SLC24A2: variants seen among roughly 807,000 people sequenced by gnomAD.
SLC24A2 encodes the protein solute carrier family 24 member 2.
In SLC24A2, 36 loss-of-function variants were observed where a neutral mutation model predicts 62.0. The ratio of observed to expected loss-of-function variants is 0.58; its 90% confidence interval spans 0.44 to 0.77. SLC24A2 has a LOEUF of 0.77. SLC24A2 is among the 30% of genes least tolerant of loss of function. SLC24A2 has a pLI of 0.00. For synonymous variants in SLC24A2, 358 were observed against 294.0 expected, an observed-to-expected ratio of 1.22 and a Z score of -2.23; for missense variants, 846 against 817.9, an observed-to-expected ratio of 1.03 and a Z score of -0.42.
At chr9:19,801,540 A>C in the SLC24A2 span, among the ~76,000 whole-genome samples, 1 of 152,242 alleles carries the variant, frequency 6.6e-6, no homozygotes, top group Non-Finnish European at 1.5e-5. Flanking sequence ...ATACAAAGGG[A>C]GGGGAACCAA....
the SLC24A2 span, among the ~76,000 whole-genome samples, chr9:20,166,578 T>C: frequency 6.6e-6 from 1 of 151,982 alleles, no homozygotes; most frequent in Non-Finnish European, 1.5e-5. Flanking sequence ...TTTCCTCTTA[T>C]GTAAGAAAGA....
At chr9:20,307,000 G>A in the SLC24A2 span, among the ~76,000 whole-genome samples, 1 of 152,082 alleles carries the variant, frequency 6.6e-6, no homozygotes, top group African/African-American at 2.4e-5. Context: ...TTCTTAGACT[G>A]ACTCATCTTC....
rs1168358783 is a variant in SLC24A2, at chr9:19,782,549, G to A, written c.930+3388C>T. The stretch of plus-strand genomic sequence containing the variant: ...TAGAGCTTATGAATATTATAATACA[G>A]CAAATATTATATAACCCTAAGGGGT... On this transcript the variant is annotated intron_variant, in intron 2 of 10. Coordinates refer to ENST00000341998, the MANE Select transcript of SLC24A2 (RefSeq NM_020344.4). Among the ~76,000 whole-genome samples, 3 of 152,096 alleles carry A rather than the reference G, an allele frequency of 2.0e-5. No homozygotes were observed. The East Asian group carries it at 5.8e-4, about 29-fold the overall frequency.
At chr9:20,199,053 A>C in the SLC24A2 span, among the ~76,000 whole-genome samples, 1 of 152,212 alleles carries the variant, frequency 6.6e-6, no homozygotes, top group African/African-American at 2.4e-5. Context: ...GGGGACAAGG[A>C]TGTATGGACC....
At chr9:19,573,271 G>A (rs1401897523) in intron 7 of SLC24A2, 80 bp downstream of exon 7, 1 of 958,776 alleles carries the variant, frequency 1.0e-6, no homozygotes, top group East Asian at 2.4e-5. Flanking sequence ...GGCTTCCAAG[G>A]AGAATATAGG....
the SLC24A2 span, among the ~76,000 whole-genome samples, chr9:19,880,758 G>A: frequency 6.6e-6 from 1 of 152,186 alleles, no homozygotes; most frequent in Non-Finnish European, 1.5e-5. Flanking sequence ...AGGAGGAAGA[G>A]ATTGGGGGGA....
rs542362193 is a variant in SLC24A2 at position 19,724,445 on chromosome 9, C to T, written c.930+61492G>A. Among the ~76,000 whole-genome samples, 8 of 152,290 alleles carry T rather than the reference C, an allele frequency of 5.3e-5. No individual in the cohort carries two copies. In the South Asian group the frequency reaches 1.7e-3, roughly 32 times the overall value. On this transcript the variant is annotated intron_variant, in intron 2 of 10. Transcript: ENST00000341998. ...AATAAATATTTGAAAGACAACTTTG[C>T]ACAATTTTGATTTGTAAAAGATGAA...
intron 7 of SLC24A2, among the ~76,000 whole-genome samples, chr9:19,560,895 GTGTATATA>G (rs1354201574): frequency 2.3e-3 from 58 of 25,770 alleles, no homozygotes; most frequent in African/African-American, 7.5e-3. Context: ...GTGTGTGTGT[GTGTATATA>G]TATATATATA....
At chr9:19,565,914 A>T (rs568500836) in intron 7 of SLC24A2, among the ~76,000 whole-genome samples, 1 of 146,582 alleles carries the variant, frequency 6.8e-6, no homozygotes, top group Admixed American at 6.6e-5. Context: ...CTCGCTATAT[A>T]TAGAAAGCTG....
intron 5 of SLC24A2, among the ~76,000 whole-genome samples, chr9:19,595,748 T>C (rs370509123): frequency 2.6e-5 from 4 of 151,862 alleles, no homozygotes; most frequent in Non-Finnish European, 5.9e-5. Flanking sequence ...CAAAAGTACG[T>C]AGGAGGTAGG....
chr9:20,216,771 T>C, the SLC24A2 span, among the ~76,000 whole-genome samples: 1 of 152,214 alleles, frequency 6.6e-6, no homozygotes. Context: ...ACATGTCTCA[T>C]TTGTTGTAAA....
intron 2 of SLC24A2, among the ~76,000 whole-genome samples, chr9:19,772,721 G>T (rs755767131): frequency 6.6e-6 from 1 of 152,180 alleles, no homozygotes; most frequent in South Asian, 2.1e-4. Flanking sequence ...AAGATGTGGA[G>T]AAATCGGAAC....
the SLC24A2 span, among the ~76,000 whole-genome samples, chr9:20,156,658 T>G: frequency 6.6e-6 from 1 of 151,792 alleles, no homozygotes; most frequent in Non-Finnish European, 1.5e-5. Flanking sequence ...AACAGTGGCA[T>G]CCTACTGTTG....
chr9:20,085,252 G>A, the SLC24A2 span, among the ~76,000 whole-genome samples: 2 of 152,138 alleles, frequency 1.3e-5, no homozygotes, highest in Non-Finnish European at 2.9e-5. Context: ...TCCTGCCTCA[G>A]CCTCCCAAAA....
At chr9:20,090,047 A>T in the SLC24A2 span, among the ~76,000 whole-genome samples, 7 of 152,132 alleles carry the variant, frequency 4.6e-5, no homozygotes, top group African/African-American at 1.7e-4. Context: ...CAGACTAAAA[A>T]AGGAGCAAAG....
the SLC24A2 span, among the ~76,000 whole-genome samples, chr9:19,830,113 A>G: frequency 6.6e-6 from 1 of 151,900 alleles, no homozygotes; most frequent in South Asian, 2.1e-4. Flanking sequence ...TTTCCAGCAG[A>G]GTTCCAAGTT....
At chr9:19,963,824 A>T in the SLC24A2 span, among the ~76,000 whole-genome samples, 76,087 of 151,872 alleles carry the variant, frequency 0.5, 19,898 homozygotes, top group Non-Finnish European at 0.57. Context: ...TTCCTCGGGG[A>T]CCTAGAACTA....
At chr9:19,554,399 G>A (rs1365417628) in intron 7 of SLC24A2, among the ~76,000 whole-genome samples, 1 of 152,152 alleles carries the variant, frequency 6.6e-6, no homozygotes, top group African/African-American at 2.4e-5. Context: ...TAAAGGATAT[G>A]GGAGGATATA....
the SLC24A2 span, among the ~76,000 whole-genome samples, chr9:20,185,601 C>T: frequency 5.2e-4 from 77 of 148,954 alleles, no homozygotes; most frequent in African/African-American, 1.7e-3. Context: ...GGAAGCAGAG[C>T]TTGCAGTGAG....
Sources: gnomAD v4.1 joint callset for allele counts (sites outside exome capture counted in the v4.1 genomes callset) on GRCh38, gnomAD v4.1.1 for gene constraint, MANE v1.5 for transcripts, NCBI Gene and HGNC (gene_info 2026-07-23, HGNC 2026-07-21) for gene names.